Variants in COL13A1 observed in about 807,000 individuals in gnomAD.
The protein encoded by COL13A1 is collagen type XIII alpha 1 chain.
In COL13A1, 89 loss-of-function variants were observed where a neutral mutation model predicts 130.9. That is an observed-to-expected ratio of 0.68 (90% CI 0.57 to 0.81). COL13A1 has a LOEUF of 0.81. Among genes scored for constraint, COL13A1 ranks in the 30% least tolerant of loss-of-function variants. COL13A1 has a pLI of 0.00. For synonymous variants in COL13A1, 402 were observed against 341.6 expected (o/e 1.18, Z -1.95); for missense variants, 879 against 934.6 (o/e 0.94, Z 0.78).
intron 2 of COL13A1, among the ~76,000 whole-genome samples, chr10:69,848,957 C>T (rs1056086840): frequency 6.6e-5 from 10 of 152,170 alleles, no homozygotes; most frequent in Non-Finnish European, 1.5e-4. Context: ...GATTTCCTGC[C>T]GCTGCCTCTG....
intron 2 of COL13A1, among the ~76,000 whole-genome samples, chr10:69,848,598 G>C (rs1024277496): frequency 1.3e-5 from 2 of 152,320 alleles, no homozygotes; most frequent in East Asian, 1.9e-4. Flanking sequence ...TACTGAGTGA[G>C]AGCAAGAACA....
intron 4 of COL13A1, among the ~76,000 whole-genome samples, chr10:69,874,442 G>C (rs2059384032): frequency 6.6e-6 from 1 of 152,236 alleles, no homozygotes; most frequent in Non-Finnish European, 1.5e-5. Flanking sequence ...TCTACCAAAA[G>C]GGGGAGGAAC....
chr10:69,832,878 A>T (rs1849146988), intron 2 of COL13A1, among the ~76,000 whole-genome samples: 1 of 152,194 alleles, frequency 6.6e-6, no homozygotes, highest in Non-Finnish European at 1.5e-5. Context: ...TCCTCTCTCC[A>T]CATCCTGAGA....
At chr10:69,887,149 G>A (rs529110207) in intron 7 of COL13A1, among the ~76,000 whole-genome samples, 5 of 152,192 alleles carry the variant, frequency 3.3e-5, no homozygotes, top group Non-Finnish European at 7.3e-5. Context: ...TGTCCCATGC[G>A]TTTGTTTACA....
At chr10:69,894,445 G>C (rs2061453399) in intron 10 of COL13A1, 107 bp from the exon 11 acceptor site, 2 of 1,356,268 alleles carry the variant, frequency 1.5e-6, no homozygotes, top group Non-Finnish European at 2.1e-6. Context: ...GGCCATGGCT[G>C]GTAGAGCCCA....
At chr10:69,914,524 G>A (rs368896030) in intron 17 of COL13A1, among the ~76,000 whole-genome samples, 18 of 152,318 alleles carry the variant, frequency 1.2e-4, no homozygotes, top group African/African-American at 3.6e-4. Context: ...CCAGCTCCTC[G>A]AAATGGAGGT....
intron 2 of COL13A1, among the ~76,000 whole-genome samples, chr10:69,835,542 C>T (rs990183285): frequency 1.8e-4 from 27 of 152,320 alleles, no homozygotes; most frequent in African/African-American, 6.5e-4. Context: ...TCCCCACACA[C>T]CTGGCCCTCT....
Position 69,957,062 on chromosome 10 carries a change from T to A in COL13A1, c.2184+20T>A, listed in dbSNP as rs762341524. 2.6e-5 allele frequency: 42 copies of A among 1,606,370 alleles called. No individual in the cohort carries two copies. In the Admixed American group the frequency reaches 7.0e-4, roughly 27 times the overall value. On this transcript the variant is annotated intron_variant, in intron 40 of 40. Coordinates refer to ENST00000645393, the MANE Select transcript of COL13A1 (RefSeq NM_001368882.1). Reference sequence around the variant, plus strand: ...AACAAGGTAAGGCTTCCCATTGGTGTGCACTGGGGCTCCGTTCTCAGCAGT... The same window carrying A: ...AACAAGGTAAGGCTTCCCATTGGTGAGCACTGGGGCTCCGTTCTCAGCAGT...
Position 69,865,049 on chromosome 10 carries a change from A to G in COL13A1, c.365-2749A>G, listed in dbSNP as rs1035961507. 2.6e-4 allele frequency among the ~76,000 whole-genome samples: 39 copies of G among 152,202 alleles called. 1 individual carries two copies. The highest frequency in any genetic ancestry group is 9.2e-4 in the African/African-American group (38 of 41,456). Reference sequence around the variant, plus strand: ...CTCAAAATGTGGTAGTACGGGCAGTACCTCAGCAGGATCAGCATGAGATAT... The same window carrying G: ...CTCAAAATGTGGTAGTACGGGCAGTGCCTCAGCAGGATCAGCATGAGATAT... On this transcript the variant is annotated intron_variant, in intron 2 of 40. Transcript: ENST00000645393.
intron 39 of COL13A1, 144 bp from the exon 40 acceptor site, chr10:69,956,860 A>G: frequency 1.5e-6 from 1 of 657,036 alleles, no homozygotes; most frequent in South Asian, 1.7e-5. Context: ...TCTGACCTGT[A>G]GTAGAGAAAA....
At chr10:69,858,157 A>T (rs923476672) in intron 2 of COL13A1, among the ~76,000 whole-genome samples, 22 of 149,480 alleles carry the variant, frequency 1.5e-4, no homozygotes, top group Non-Finnish European at 3.0e-4. Context: ...GGCACATGAG[A>T]AGAGCTCTTA....
intron 35 of COL13A1, among the ~76,000 whole-genome samples, chr10:69,943,613 C>T (rs2067995446): frequency 6.6e-6 from 1 of 152,170 alleles, no homozygotes; most frequent in African/African-American, 2.4e-5. Context: ...CGAGAAGGCC[C>T]CGGCCAGAGA....
At chr10:69,954,536 C>G (rs951156805) in intron 39 of COL13A1, among the ~76,000 whole-genome samples, 1 of 152,240 alleles carries the variant, frequency 6.6e-6, no homozygotes, top group Non-Finnish European at 1.5e-5. Flanking sequence ...CCCTGCTCCT[C>G]CATCACATGA....
chr10:69,851,082 T>G (rs1341359538), intron 2 of COL13A1, among the ~76,000 whole-genome samples: 1 of 152,204 alleles, frequency 6.6e-6, no homozygotes, highest in African/African-American at 2.4e-5. Flanking sequence ...CAGGGCTCCA[T>G]CTCCGCCTTC....
At chr10:69,937,605 G>A in intron 33 of COL13A1, 30 bp from the exon 34 acceptor site, 1 of 1,026,390 alleles carries the variant, frequency 9.7e-7, no homozygotes, top group South Asian at 1.3e-5. Context: ...ATGTCCTTGT[G>A]TGATCTCGTC....
Position 69,927,084 on chromosome 10 carries a change from TA to T in COL13A1, c.1399-2del. 1 of 1,613,910 alleles carries T rather than the reference TA, an allele frequency of 6.2e-7. No individual in the cohort carries two copies. The highest frequency in any genetic ancestry group is 8.5e-7 in the Non-Finnish European group (1 of 1,179,830). On this transcript the variant is annotated splice_acceptor_variant, in intron 26 of 40. Coordinates refer to ENST00000645393, the MANE Select transcript of COL13A1 (RefSeq NM_001368882.1). LOFTEE classifies it high-confidence loss of function. ...AACTGATTGCCTGGTGTTGGTTTTT[TA>T]GGAGATCCGGACGCTGGCCTTGATG... is the stretch of plus-strand genomic sequence containing the variant.
intron 2 of COL13A1, among the ~76,000 whole-genome samples, chr10:69,852,706 A>G (rs1855243830): frequency 6.6e-6 from 1 of 152,250 alleles, no homozygotes; most frequent in Non-Finnish European, 1.5e-5. Context: ...GGGCAAGTAC[A>G]AGGGTGGCGC....
At chr10:69,816,916 AAG>A (rs1264016688) in intron 1 of COL13A1, among the ~76,000 whole-genome samples, 2 of 152,202 alleles carry the variant, frequency 1.3e-5, no homozygotes, top group Non-Finnish European at 2.9e-5. Flanking sequence ...TTTCTAGGGA[AAG>A]AGCTAACCAG....
intron 17 of COL13A1, among the ~76,000 whole-genome samples, chr10:69,912,171 C>T (rs1249912110): frequency 6.6e-6 from 1 of 152,198 alleles, no homozygotes; most frequent in African/African-American, 2.4e-5. Context: ...TTTTCATGCA[C>T]TCCAAAGTCC....
Sources: gnomAD v4.1 joint callset for allele counts (sites outside exome capture counted in the v4.1 genomes callset) on GRCh38, gnomAD v4.1.1 for gene constraint, MANE v1.5 for transcripts, NCBI Gene and HGNC (gene_info 2026-07-23, HGNC 2026-07-21) for gene names.